Variants in NRG3 observed in about 807,000 individuals in gnomAD.
NRG3 encodes neuregulin 3, also known as pro-neuregulin-3, membrane-bound isoform.
NRG3 carries 31 observed loss-of-function variants against 66.9 expected under a neutral mutation model. That is an observed-to-expected ratio of 0.46 (90% CI 0.35 to 0.63). The LOEUF is 0.63. Ranked by LOEUF, NRG3 falls within the 20% of genes least tolerant of loss-of-function variation. The pLI, the probability that NRG3 is intolerant of heterozygous loss-of-function variation, is 0.00. For synonymous variants in NRG3, 393 were observed against 359.4 expected (o/e 1.09, Z -1.06); for missense variants, 910 against 878.9 (o/e 1.04, Z -0.45).
chr10:82,379,910 CAAAAAAA>C lies in NRG3; in HGVS notation c.953+21051_953+21057del, dbSNP rs11423046. 7.7e-3 allele frequency among the ~76,000 whole-genome samples: 604 copies of C among 78,554 alleles called. 11 individuals carry two copies. The highest frequency in any genetic ancestry group is 0.025 in the African/African-American group (586 of 23,860). 51.5% of individuals were successfully genotyped at this position (78,554 alleles called of 152,430 possible). ...GGCAGATTCAACAAAATGAACAATC[CAAAAAAA>C]AAAAAAAAGAAAAAAAGGAAAAACA... On this transcript the variant is annotated intron_variant, in intron 2 of 8. Coordinates refer to ENST00000372141, the MANE Select transcript of NRG3 (RefSeq NM_001010848.4).
intron 3 of NRG3, among the ~76,000 whole-genome samples, chr10:82,808,221 CAA>C (rs1470978025): frequency 6.6e-6 from 1 of 150,722 alleles, no homozygotes; most frequent in Non-Finnish European, 1.5e-5. Flanking sequence ...GCACAGTAGT[CAA>C]GTCGCTATTT....
At chr10:82,938,710 C>T (rs17101130) in intron 4 of NRG3, among the ~76,000 whole-genome samples, 7 of 152,208 alleles carry the variant, frequency 4.6e-5, no homozygotes, top group Middle Eastern at 3.4e-3. Context: ...CAAAGTTAAA[C>T]GGTCTTTAGT....
chr10:82,678,654 G>A (rs1025713223), intron 2 of NRG3, among the ~76,000 whole-genome samples: 8 of 152,108 alleles, frequency 5.3e-5, no homozygotes, highest in South Asian at 2.1e-4. Context: ...ACCATCACCC[G>A]ACGGTCGCCT....
chr10:82,070,895 G>A (rs2064770745), intron 1 of NRG3, among the ~76,000 whole-genome samples: 1 of 152,158 alleles, frequency 6.6e-6, no homozygotes, highest in African/African-American at 2.4e-5. Context: ...TATGTCACAA[G>A]TCAGTATAAT....
chr10:82,545,996 C>G lies in NRG3; in HGVS notation c.953+187128C>G, dbSNP rs368348572. On this transcript the variant is annotated intron_variant, in intron 2 of 8. Coordinates refer to ENST00000372141, the MANE Select transcript of NRG3 (RefSeq NM_001010848.4). ...GTGTTAGCCAGGATAGTCTCGATCTCCTGACCTCGTGATCCGACCACCTCA... is the reference window on the plus strand; with the variant it reads ...GTGTTAGCCAGGATAGTCTCGATCTGCTGACCTCGTGATCCGACCACCTCA... 4.6e-5 allele frequency among the ~76,000 whole-genome samples: 7 copies of G among 151,606 alleles called. No individual in the cohort carries two copies. The East Asian group carries it at 9.8e-4, about 21-fold the overall frequency.
At chr10:82,355,988 T>C (rs1332569981) in intron 1 of NRG3, among the ~76,000 whole-genome samples, 2 of 152,216 alleles carry the variant, frequency 1.3e-5, no homozygotes, top group Non-Finnish European at 2.9e-5. Flanking sequence ...GCATTTTAAA[T>C]TAATTTGGAG....
chr10:82,782,849 C>T (rs1251334429), intron 3 of NRG3, among the ~76,000 whole-genome samples: 4 of 152,202 alleles, frequency 2.6e-5, no homozygotes, highest in Admixed American at 2.6e-4. Flanking sequence ...TCCTCCGTAA[C>T]TCATTTTGTG....
At chr10:82,056,657 T>C (rs2063860024) in intron 1 of NRG3, among the ~76,000 whole-genome samples, 1 of 152,208 alleles carries the variant, frequency 6.6e-6, no homozygotes, top group Admixed American at 6.5e-5. Context: ...CTCATTGAAA[T>C]TTTCTTTTTT....
At chr10:82,894,345 A>G (rs976994917) in intron 4 of NRG3, among the ~76,000 whole-genome samples, 59 of 152,338 alleles carry the variant, frequency 3.9e-4, no homozygotes, top group East Asian at 1.9e-4. Flanking sequence ...AGCCTAGCAT[A>G]TATTTTTTTT....
intron 1 of NRG3, among the ~76,000 whole-genome samples, chr10:82,128,350 T>C (rs2068590115): frequency 6.6e-6 from 1 of 152,070 alleles, no homozygotes; most frequent in African/African-American, 2.4e-5. Context: ...TTAAAAATGT[T>C]TTTAAAAACT....
chr10:82,683,947 A>G (rs930832167), intron 2 of NRG3, among the ~76,000 whole-genome samples: 9 of 152,174 alleles, frequency 5.9e-5, no homozygotes, highest in African/African-American at 1.9e-4. Flanking sequence ...CTGAGGTGCT[A>G]TTTGCCTGCA....
chr10:82,831,085 C>T (rs529623085), intron 3 of NRG3, among the ~76,000 whole-genome samples: 148 of 152,190 alleles, frequency 9.7e-4, no homozygotes, highest in African/African-American at 3.3e-3. Context: ...TCCTTTGTTC[C>T]CAGGAACATT....
intron 3 of NRG3, among the ~76,000 whole-genome samples, chr10:82,856,770 A>AG (rs1268883341): frequency 6.6e-6 from 1 of 150,950 alleles, no homozygotes; most frequent in African/African-American, 2.4e-5. Context: ...AAAAAAAAAA[A>AG]AAAGAAAAGA....
rs569549468 is a variant in NRG3 at position 82,015,706 on chromosome 10, G to A, written c.823+139543G>A. Among the ~76,000 whole-genome samples, 52 of 151,746 alleles carry A rather than the reference G, an allele frequency of 3.4e-4. No homozygotes were observed. In the Middle Eastern group the frequency reaches 0.01, roughly 30 times the overall value. ...TTTCCTTTATAAATTACCGCATCTCGGGCAGTTCTTTATAGCAGTATGAAA... is the reference window on the plus strand; with the variant it reads ...TTTCCTTTATAAATTACCGCATCTCAGGCAGTTCTTTATAGCAGTATGAAA... On this transcript the variant is annotated intron_variant, in intron 1 of 8. Coordinates refer to ENST00000372141, the MANE Select transcript of NRG3 (RefSeq NM_001010848.4).
At chr10:82,751,711 A>C (rs1591408251) in intron 3 of NRG3, among the ~76,000 whole-genome samples, 1 of 152,282 alleles carries the variant, frequency 6.6e-6, no homozygotes, top group South Asian at 2.1e-4. Flanking sequence ...AGAAAAGGAA[A>C]CCCTAGATGA....
intron 1 of NRG3, among the ~76,000 whole-genome samples, chr10:81,953,867 A>T (rs2133214226): frequency 6.6e-6 from 1 of 152,322 alleles, no homozygotes; most frequent in Middle Eastern, 3.4e-3. Context: ...ATACTGACTC[A>T]TTAACATCTC....
At chr10:82,495,066 G>A (rs1426519744) in intron 2 of NRG3, among the ~76,000 whole-genome samples, 2 of 151,578 alleles carry the variant, frequency 1.3e-5, no homozygotes, top group African/African-American at 2.4e-5. Flanking sequence ...TCAGCCTCCC[G>A]AGTAGCTGAG....
At chr10:82,547,425 G>GTGTATATAT (rs2043991091) in intron 2 of NRG3, among the ~76,000 whole-genome samples, 2 of 150,154 alleles carry the variant, frequency 1.3e-5, no homozygotes, top group South Asian at 4.2e-4. Context: ...ATACATATGT[G>GTGTATATAT]TGTATATATA....
chr10:82,188,512 T>G (rs2073942767), intron 1 of NRG3, among the ~76,000 whole-genome samples: 1 of 152,010 alleles, frequency 6.6e-6, no homozygotes, highest in South Asian at 2.1e-4. Flanking sequence ...AGTGGAGAGA[T>G]AACCCACAGA....
Sources: gnomAD v4.1 joint callset for allele counts (sites outside exome capture counted in the v4.1 genomes callset) on GRCh38, gnomAD v4.1.1 for gene constraint, MANE v1.5 for transcripts, NCBI Gene and HGNC (gene_info 2026-07-23, HGNC 2026-07-21) for gene names.